The following L3MBTL4 variants were observed in gnomAD, a reference collection of about 807,000 sequenced individuals.
L3MBTL4 encodes the protein L3MBTL histone methyl-lysine binding protein 4.
In L3MBTL4, 70 loss-of-function variants were observed where a neutral mutation model predicts 84.5. That is an observed-to-expected ratio of 0.83 (90% CI 0.68 to 1.01). The LOEUF (loss-of-function observed/expected upper bound fraction) is 1.01. Ranked by LOEUF, L3MBTL4 falls within the 50% of genes least tolerant of loss-of-function variation. The pLI is 0.00. For missense variants in L3MBTL4, 715 were observed against 754.8 expected, an observed-to-expected ratio of 0.95 and a Z score of 0.62; for synonymous variants, 274 against 259.8, an observed-to-expected ratio of 1.05 and a Z score of -0.52.
At chr18:6,365,206 T>C (rs1251070243) in intron 1 of L3MBTL4, among the ~76,000 whole-genome samples, 1 of 152,070 alleles carries the variant, frequency 6.6e-6, no homozygotes, top group African/African-American at 2.4e-5. Context: ...CATGCTTCCC[T>C]CCACACAAAA....
At chr18:6,226,417 A>T (rs755436616) in intron 10 of L3MBTL4, among the ~76,000 whole-genome samples, 1 of 152,170 alleles carries the variant, frequency 6.6e-6, no homozygotes, top group East Asian at 1.9e-4. Flanking sequence ...AAATAATAAT[A>T]ATAAAATAAA....
intron 12 of L3MBTL4, among the ~76,000 whole-genome samples, chr18:6,177,815 C>T (rs2044290950): frequency 1.3e-5 from 2 of 152,136 alleles, no homozygotes; most frequent in South Asian, 4.1e-4. Context: ...AATGATGCCT[C>T]CTGCTCTGGA....
At chr18:6,218,980 C>T (rs2046436960) in intron 10 of L3MBTL4, among the ~76,000 whole-genome samples, 1 of 152,144 alleles carries the variant, frequency 6.6e-6, no homozygotes, top group Non-Finnish European at 1.5e-5. Flanking sequence ...ACAAGAACAG[C>T]CTTTAACCTC....
At chr18:6,217,006 A>G (rs1025820735) in intron 10 of L3MBTL4, among the ~76,000 whole-genome samples, 1 of 152,200 alleles carries the variant, frequency 6.6e-6, no homozygotes, top group African/African-American at 2.4e-5. Context: ...CAATCTAGCT[A>G]TATTATGCAA....
At chr18:6,200,398 G>T (rs940931060) in intron 12 of L3MBTL4, among the ~76,000 whole-genome samples, 1 of 152,214 alleles carries the variant, frequency 6.6e-6, no homozygotes, top group South Asian at 2.1e-4. Context: ...CTTAAGCCAA[G>T]TGAAGTAGGC....
chr18:5,960,809 A>G (rs2144663589), intron 17 of L3MBTL4: 1 of 152,294 alleles, frequency 6.6e-6, no homozygotes, highest in Admixed American at 6.5e-5. Context: ...TCAACTTCTC[A>G]CCCTCACCAT....
intron 16 of L3MBTL4, among the ~76,000 whole-genome samples, chr18:5,990,770 G>GTGT (rs1567956295): frequency 0.019 from 2,691 of 142,354 alleles, 91 homozygotes; most frequent in African/African-American, 0.063. Flanking sequence ...GGTTCATGTG[G>GTGT]GTGTGTGTGT....
intron 16 of L3MBTL4, among the ~76,000 whole-genome samples, chr18:6,061,042 C>A (rs1369380876): frequency 2.0e-5 from 3 of 152,088 alleles, no homozygotes; most frequent in Admixed American, 6.6e-5. Flanking sequence ...ATTGCTGGAT[C>A]ATATGTTAAG....
At chr18:6,167,407 A>G (rs2043728544) in intron 13 of L3MBTL4, among the ~76,000 whole-genome samples, 1 of 152,218 alleles carries the variant, frequency 6.6e-6, no homozygotes, top group Admixed American at 6.5e-5. Context: ...TCCTTGATGA[A>G]CATTCATGCA....
intron 14 of L3MBTL4, among the ~76,000 whole-genome samples, chr18:6,137,134 A>T (rs779128875): frequency 1.3e-4 from 20 of 151,834 alleles, no homozygotes; most frequent in Non-Finnish European, 2.4e-4. Context: ...GTTACTGCAG[A>T]CTCCTTACAG....
At chr18:6,051,412 G>A (rs922848018) in intron 16 of L3MBTL4, among the ~76,000 whole-genome samples, 1 of 152,130 alleles carries the variant, frequency 6.6e-6, no homozygotes, top group Non-Finnish European at 1.5e-5. Flanking sequence ...GATGGCGCAT[G>A]CCTGTAATCC....
Position 6,413,691 on chromosome 18 carries a change from C to T in L3MBTL4, c.-91+1110G>A, listed in dbSNP as rs150721614. Among the ~76,000 whole-genome samples, 8 of 152,300 alleles carry T rather than the reference C, an allele frequency of 5.3e-5. No homozygotes were observed. The East Asian group carries it at 1.5e-3, about 29-fold the overall frequency. ...AAGGATCCAGGAGATGGGCCACCAG[C>T]AAGTCATAGTGGAGTCCAAACAAGT... On this transcript the variant is annotated intron_variant, in intron 1 of 18. Coordinates refer to ENST00000317931, the MANE Select transcript of L3MBTL4 (RefSeq NM_001330559.2).
chr18:6,009,286 G>A (rs987893657), intron 16 of L3MBTL4, among the ~76,000 whole-genome samples: 1 of 152,160 alleles, frequency 6.6e-6, no homozygotes, highest in African/African-American at 2.4e-5. Flanking sequence ...CATGTGCCTT[G>A]GAGGAGCAAT....
At chr18:6,359,241 A>G in intron 1 of L3MBTL4, among the ~76,000 whole-genome samples, 1 of 152,192 alleles carries the variant, frequency 6.6e-6, no homozygotes, top group Middle Eastern at 3.2e-3. Flanking sequence ...AGACAGATCA[A>G]CTGAGGTCAG....
At chr18:6,046,121 T>C (rs1268757841) in intron 16 of L3MBTL4, among the ~76,000 whole-genome samples, 1 of 152,034 alleles carries the variant, frequency 6.6e-6, no homozygotes, top group Non-Finnish European at 1.5e-5. Context: ...AAACAGACTT[T>C]AAACCAACAA....
chr18:6,328,502 A>G (rs2051845594), intron 1 of L3MBTL4, among the ~76,000 whole-genome samples: 1 of 152,214 alleles, frequency 6.6e-6, no homozygotes, highest in Non-Finnish European at 1.5e-5. Flanking sequence ...CCTTCCAGGA[A>G]TATCTTTAAT....
At chr18:6,133,271 G>A (rs1036655356) in intron 14 of L3MBTL4, among the ~76,000 whole-genome samples, 11 of 151,980 alleles carry the variant, frequency 7.2e-5, no homozygotes, top group African/African-American at 2.2e-4. Flanking sequence ...ATGGCCAAGC[G>A]TGTGTGAGGA....
intron 1 of L3MBTL4, among the ~76,000 whole-genome samples, chr18:6,312,948 C>T (rs2050907416): frequency 6.6e-6 from 1 of 152,132 alleles, no homozygotes; most frequent in African/African-American, 2.4e-5. Context: ...CCTGCCCTCC[C>T]TTTTTCAACT....
intron 1 of L3MBTL4, among the ~76,000 whole-genome samples, chr18:6,321,914 G>A (rs2051425000): frequency 6.6e-6 from 1 of 151,916 alleles, no homozygotes; most frequent in African/African-American, 2.4e-5. Flanking sequence ...CTAGAAAGGG[G>A]GTGAGGGAGA....
Sources: allele counts gnomAD v4.1 joint callset (sites outside exome capture counted in the v4.1 genomes callset), GRCh38; gene constraint gnomAD v4.1.1; transcripts MANE v1.5; gene names NCBI Gene and HGNC (gene_info 2026-07-23, HGNC 2026-07-21).